The following BRWD3 variants were observed in gnomAD, a reference collection of about 807,000 sequenced individuals.
BRWD3 encodes the protein bromodomain and WD repeat-containing protein 3.
Under a neutral mutation model 149.7 loss-of-function variants are expected in BRWD3, and 10 were observed. The ratio of observed to expected loss-of-function variants is 0.07; its 90% CI spans 0.04 to 0.11. The LOEUF is 0.11. Ranked by LOEUF, BRWD3 falls within the 10% of genes least tolerant of loss-of-function variation. BRWD3 has a pLI of 1.00. For synonymous variants in BRWD3, 504 were observed against 456.7 expected, an observed-to-expected ratio of 1.10 and a Z score of -1.32; for missense variants, 940 against 1,373.2, an observed-to-expected ratio of 0.68 and a Z score of 4.99.
intron 6 of BRWD3, among the ~76,000 whole-genome samples, chrX:80,761,698 T>C (rs188422718): frequency 3.0e-4 from 34 of 112,031 alleles, no homozygotes; most frequent in Admixed American, 3.0e-3. Flanking sequence ...TTAATTAGAA[T>C]AAATTTGAAT....
intron 6 of BRWD3, among the ~76,000 whole-genome samples, chrX:80,760,739 TCTTA>T (rs956399460): frequency 2.7e-5 from 3 of 112,198 alleles, no homozygotes; most frequent in African/African-American, 6.5e-5. Context: ...GTGATTCTTT[TCTTA>T]CTTTCTTTCT....
chrX:80,725,714 CATATAACAT>C, intron 14 of BRWD3, among the ~76,000 whole-genome samples: 1 of 109,781 alleles, frequency 9.1e-6, no homozygotes, highest in South Asian at 3.7e-4. Context: ...GCCTATATAA[CATATAACAT>C]GTTTACATGT....
intron 20 of BRWD3, chrX:80,710,062 GA>G: frequency 1.0e-6 from 1 of 976,301 alleles, no homozygotes; most frequent in Non-Finnish European, 1.5e-6. Flanking sequence ...TGGTTGCATT[GA>G]AAAGGGCACC....
chrX:80,701,774 G>C (rs1035851089), intron 24 of BRWD3, among the ~76,000 whole-genome samples: 1 of 110,246 alleles, frequency 9.1e-6, no homozygotes, highest in South Asian at 3.9e-4. Context: ...ACGTCATTAA[G>C]ATATCCTTTA....
rs1416716785 is a variant in BRWD3, at chrX:80,793,540, T to C, written c.331+82A>G. 6.0e-6 allele frequency: 6 copies of C among 996,788 alleles called. No homozygotes were observed. The African/African-American group carries it at 9.7e-5, about 16-fold the overall frequency. The allele number at this position is 996,788 out of a possible 1,213,427, so 82.1% of individuals were successfully genotyped here. On this transcript the variant is annotated intron_variant, in intron 5 of 40. Coordinates refer to ENST00000373275, the MANE Select transcript of BRWD3 (RefSeq NM_153252.5). ...AGAAAAACTAGTATTTAGAAAAGCA[T>C]GGGAACATTTACTCAATCTAAAAAT...
chrX:80,749,732 G>GA (rs1297158097), intron 6 of BRWD3, among the ~76,000 whole-genome samples: 34 of 110,257 alleles, frequency 3.1e-4, no homozygotes, highest in Non-Finnish European at 5.7e-4. Context: ...CACATAAATA[G>GA]AAAAAAAATC....
intron 21 of BRWD3, among the ~76,000 whole-genome samples, chrX:80,709,168 T>C (rs2072920129): frequency 1.8e-5 from 2 of 111,277 alleles, no homozygotes; most frequent in African/African-American, 6.5e-5. Flanking sequence ...TCTTACTCTT[T>C]TTTTCACTGT....
At chrX:80,726,270 A>G (rs181806584) in intron 14 of BRWD3, among the ~76,000 whole-genome samples, 4 of 100,586 alleles carry the variant, frequency 4.0e-5, no homozygotes, top group African/African-American at 1.4e-4. Context: ...ACACGTTTAC[A>G]TGTTATGTCT....
rs1325120252 is a variant in BRWD3 at position 80,670,608 on chromosome X, C to T, written c.*6001G>A. Among the ~76,000 whole-genome samples, 1 of 110,036 alleles carries T rather than the reference C, an allele frequency of 9.1e-6. No individual in the cohort carries two copies. The highest frequency in any genetic ancestry group is 1.9e-5 in the Non-Finnish European group (1 of 52,754). ...TAAAAAAAAAATTGTTTTGTAGATACGGTGTCTCACTATGCTGCCCAGGCT... is the reference window on the plus strand; with the variant it reads ...TAAAAAAAAAATTGTTTTGTAGATATGGTGTCTCACTATGCTGCCCAGGCT... On this transcript the variant is annotated 3_prime_UTR_variant, in exon 41 of 41. Coordinates refer to ENST00000373275, the MANE Select transcript of BRWD3 (RefSeq NM_153252.5).
rs907957707 is a variant in BRWD3, at chrX:80,672,318, G to A, written c.*4291C>T. The A allele has an allele frequency of 5.8e-5, 6 of 103,250 alleles. No homozygotes were observed. The highest frequency in any genetic ancestry group is 1.2e-4 in the Non-Finnish European group (6 of 50,756). The allele number at this position is 103,250 out of a possible 1,213,427, so 8.5% of individuals were successfully genotyped here. A position where few individuals can be genotyped will look rare whatever the true frequency, so the allele number is the denominator to read the frequency against. ...TGAAAAAAGAAATAATCAAGAATAA[G>A]GGTATATAGGCCGGGCACGGTGGCT... On this transcript the variant is annotated 3_prime_UTR_variant, in exon 41 of 41. Coordinates refer to ENST00000373275, the MANE Select transcript of BRWD3 (RefSeq NM_153252.5).
At chrX:80,707,143 T>C (rs933388199) in intron 22 of BRWD3, among the ~76,000 whole-genome samples, 1 of 112,126 alleles carries the variant, frequency 8.9e-6, no homozygotes, top group Admixed American at 9.4e-5. Flanking sequence ...CACTCGATCA[T>C]TGACTGAAAC....
intron 40 of BRWD3, among the ~76,000 whole-genome samples, chrX:80,681,102 G>A (rs1602298266): frequency 1.9e-5 from 2 of 106,368 alleles, no homozygotes; most frequent in Middle Eastern, 4.9e-3. Flanking sequence ...GAGCCACCAC[G>A]CCTGGCCCCA....
At chrX:80,798,387 C>T (rs187451975) in intron 4 of BRWD3, among the ~76,000 whole-genome samples, 8 of 109,561 alleles carry the variant, frequency 7.3e-5, no homozygotes, top group East Asian at 2.8e-4. Context: ...ACTCTTACCC[C>T]GAATAGTTTT....
chrX:80,740,359 A>G (rs1206712575), intron 8 of BRWD3, among the ~76,000 whole-genome samples: 3 of 112,300 alleles, frequency 2.7e-5, no homozygotes, highest in Admixed American at 1.9e-4. Context: ...AATAAAAAAT[A>G]TTTTAAGTTA....
At chrX:80,768,986 A>G (rs2073900671) in intron 6 of BRWD3, among the ~76,000 whole-genome samples, 1 of 111,949 alleles carries the variant, frequency 8.9e-6, no homozygotes, top group Non-Finnish European at 1.9e-5. Context: ...AGATCAAAAG[A>G]AACAAAGAAG....
intron 24 of BRWD3, 27 bp downstream of exon 24, chrX:80,703,453 A>G: frequency 3.0e-5 from 32 of 1,049,190 alleles, no homozygotes; most frequent in Non-Finnish European, 4.2e-5. Context: ...GGCTCCACAG[A>G]AAAAGGTTAT....
At chrX:80,690,206 A>G in intron 31 of BRWD3, 114 bp from the exon 32 acceptor site, 1 of 734,213 alleles carries the variant, frequency 1.4e-6, no homozygotes, top group Non-Finnish European at 2.0e-6. Context: ...AGGTGTTCCA[A>G]TATGCATATA....
chrX:80,727,658 A>C, intron 14 of BRWD3, among the ~76,000 whole-genome samples: 2 of 111,414 alleles, frequency 1.8e-5, no homozygotes, highest in East Asian at 5.6e-4. Flanking sequence ...GTGACATAAT[A>C]AGACAAAGAC....
intron 8 of BRWD3, 96 bp downstream of exon 8, chrX:80,743,936 T>C (rs1475346745): frequency 1.4e-6 from 1 of 734,187 alleles, no homozygotes; most frequent in Non-Finnish European, 2.0e-6. Context: ...TTTCTCTTGT[T>C]ATTCTTTGGG....
Sources: allele counts gnomAD v4.1 joint callset (sites outside exome capture counted in the v4.1 genomes callset), GRCh38; gene constraint gnomAD v4.1.1; transcripts MANE v1.5; gene names NCBI Gene and HGNC (gene_info 2026-07-23, HGNC 2026-07-21).